Variants in USP8 observed in about 807,000 individuals in gnomAD.
The protein encoded by USP8 is ubiquitin specific peptidase 8.
USP8 carries 27 observed loss-of-function variants against 130.0 expected under a neutral mutation model. That is an observed-to-expected ratio of 0.21 (90% confidence interval 0.15 to 0.29). The LOEUF (loss-of-function observed/expected upper bound fraction) is 0.29, where lower values mean the gene tolerates loss of function less well. USP8 is among the 10% of genes least tolerant of loss of function. The pLI, the probability that USP8 is intolerant of heterozygous loss-of-function variation, is 1.00. For missense variants in USP8, 1,029 were observed against 1,312.2 expected (o/e 0.78, Z 3.33); for synonymous variants, 392 against 444.1 (o/e 0.88, Z 1.48).
At chr15:50,462,121 C>T (rs112949073) in intron 5 of USP8, among the ~76,000 whole-genome samples, 159 bp from the exon 6 acceptor site, 1 of 152,098 alleles carries the variant, frequency 6.6e-6, no homozygotes. Context: ...CCAAAGAAAC[C>T]TTTTAATATC....
chr15:50,469,770 A>G (rs1413865989), intron 7 of USP8, among the ~76,000 whole-genome samples: 1 of 152,040 alleles, frequency 6.6e-6, no homozygotes, highest in Non-Finnish European at 1.5e-5. Context: ...TAAGAATAAT[A>G]TGGAGCTCCT....
chr15:50,469,834 T>A (rs1319917551), intron 7 of USP8, among the ~76,000 whole-genome samples: 1 of 146,568 alleles, frequency 6.8e-6, no homozygotes, highest in African/African-American at 2.7e-5. Context: ...AAATCCAATT[T>A]TTTTTTTTTT....
chr15:50,448,606 G>A (rs1258766986), intron 3 of USP8, among the ~76,000 whole-genome samples: 2 of 151,170 alleles, frequency 1.3e-5, no homozygotes, highest in South Asian at 2.1e-4. Flanking sequence ...TGCAACCTCC[G>A]CCTCCTGGGT....
chr15:50,471,820 A>G (rs2051386815), intron 8 of USP8, 25 bp downstream of exon 8: 9 of 1,609,744 alleles, frequency 5.6e-6, no homozygotes, highest in Non-Finnish European at 6.8e-6. Flanking sequence ...TTGTTAGTTT[A>G]TTGTAATTGC....
intron 3 of USP8, among the ~76,000 whole-genome samples, 193 bp downstream of exon 3, chr15:50,441,686 A>C (rs2050266323): frequency 6.6e-6 from 1 of 152,194 alleles, no homozygotes; most frequent in South Asian, 2.1e-4. Flanking sequence ...GAACTCGTAC[A>C]CATTCTTGGA....
chr15:50,493,053 C>G (rs2052237223), intron 15 of USP8, 140 bp downstream of exon 15: 1 of 920,108 alleles, frequency 1.1e-6, no homozygotes, highest in Admixed American at 2.0e-5. Context: ...AATTTATTTT[C>G]TCTTAGTTCT....
intron 14 of USP8, among the ~76,000 whole-genome samples, chr15:50,491,978 C>T (rs1368469488): frequency 2.0e-5 from 3 of 152,174 alleles, no homozygotes; most frequent in Admixed American, 1.3e-4. Flanking sequence ...TCTCCTGCCT[C>T]AGCCTCCTGA....
At chr15:50,488,503 C>T (rs551209972) in intron 12 of USP8, among the ~76,000 whole-genome samples, 58 of 147,796 alleles carry the variant, frequency 3.9e-4, no homozygotes, top group African/African-American at 1.4e-3. Flanking sequence ...CCCACCTCGG[C>T]TTCCTGAGTA....
rs2052567455 is a variant in USP8, at chr15:50,500,683, G to A, written c.*1595G>A. On this transcript the variant is annotated 3_prime_UTR_variant, in exon 20 of 20. Transcript: ENST00000307179. ...ACGCTTTTGTATTGGTATGGAAAAGGGCTGGCAGCTATAGAACAGGAGATC... is the reference window on the plus strand; with the variant it reads ...ACGCTTTTGTATTGGTATGGAAAAGAGCTGGCAGCTATAGAACAGGAGATC... 7.6e-7 allele frequency: 1 copy of A among 1,319,602 alleles called. No homozygotes were observed. Among genetic ancestry groups the A allele is most frequent in the Non-Finnish European group, 1.1e-6 (1 of 938,710 alleles). The allele number at this position is 1,319,602 out of a possible 1,614,324, so 81.7% of individuals were successfully genotyped here.
rs1254450968 is a variant in USP8, at chr15:50,465,074, C to A, written c.569C>A (p.Thr190Lys). The A allele has an allele frequency of 3.7e-6, 6 of 1,614,082 alleles. No individual in the cohort carries two copies. The highest frequency in any genetic ancestry group is 5.1e-6 in the Non-Finnish European group (6 of 1,180,002). ...GCAATCACAGCAAAGGAACTATACA[C>A]AATGATGACGGATAAAAACATCAGC... ...KGAITAKELY[T>K]MMTDKNISLI... Residue 190 changes from threonine (T) to lysine (K), a missense_variant, in exon 7 of 20, where the codon ACA becomes AAA. Transcript: ENST00000307179.
At position 50,506,312 on chromosome 15, in the gene USP8, C is replaced by T. The variant is rs1296331177; in HGVS notation, c.*7224C>T. On this transcript the variant is annotated 3_prime_UTR_variant, in exon 20 of 20. Transcript: ENST00000307179. Reference sequence around the variant, plus strand: ...CCCTGAGCACCGCCTCCTGTCAGATCAGCTGCTGCATTAGATTCTCACAGC... The same window carrying T: ...CCCTGAGCACCGCCTCCTGTCAGATTAGCTGCTGCATTAGATTCTCACAGC... The T allele has an allele frequency of 3.9e-5, 6 of 152,310 alleles. No homozygotes were observed. The highest frequency in any genetic ancestry group is 1.4e-4 in the African/African-American group (6 of 41,454). 9.4% of individuals were successfully genotyped at this position (152,310 alleles called of 1,614,324 possible).
At position 50,490,291 on chromosome 15, in the gene USP8, G is replaced by A. The variant is rs767075041; in HGVS notation, c.2000G>A (p.Arg667His). ...KFLDPITGTF[R>H]YYHSPTNTVH... ...CTTGACCCAATCACTGGAACCTTTC[G>A]TTATTATCATTCACCCACCAACACT... The change falls in exon 14 of 20, where the codon CGT becomes CAT. Residue 667 changes from arginine to histidine, a missense_variant. Around this residue, in one of 4 missense-constraint regions of USP8, gnomAD observed 486 missense variants for 522.0 expected, o/e 0.93. Coordinates refer to ENST00000307179, the MANE Select transcript of USP8 (RefSeq NM_005154.5). 2 of 1,607,110 alleles carry A rather than the reference G, an allele frequency of 1.2e-6. No homozygotes were observed. Among genetic ancestry groups the A allele is most frequent in the Non-Finnish European group, 1.7e-6 (2 of 1,177,630 alleles).
intron 10 of USP8, 75 bp downstream of exon 10, chr15:50,477,574 T>C: frequency 1.5e-6 from 2 of 1,357,498 alleles, no homozygotes; most frequent in South Asian, 2.8e-5. Context: ...GCACAGTGCC[T>C]CACGCCTGTA....
At chr15:50,494,862 A>G (rs2052313978) in intron 16 of USP8, among the ~76,000 whole-genome samples, 1 of 152,106 alleles carries the variant, frequency 6.6e-6, no homozygotes, top group Non-Finnish European at 1.5e-5. Flanking sequence ...TAAAAATACA[A>G]AAATTGGCTG....
intron 11 of USP8, among the ~76,000 whole-genome samples, chr15:50,483,988 G>A (rs1595971416): frequency 6.6e-6 from 1 of 151,774 alleles, no homozygotes; most frequent in African/African-American, 2.4e-5. Flanking sequence ...AGGTCATGGT[G>A]AATATACATT....
chr15:50,475,248 A>T (rs562086058), intron 8 of USP8, among the ~76,000 whole-genome samples: 50 of 152,352 alleles, frequency 3.3e-4, no homozygotes, highest in Non-Finnish European at 6.6e-4. Flanking sequence ...AAAATTGCAA[A>T]TAACTATAGA....
At position 50,477,160 on chromosome 15, in the gene USP8, G is replaced by A. The variant is rs142523368; in HGVS notation, c.995-116G>A. The A allele has an allele frequency of 1.7e-4, 220 of 1,320,424 alleles. No homozygotes were observed. The African/African-American group carries it at 2.8e-3, about 17-fold the overall frequency. 81.8% of individuals were successfully genotyped at this position (1,320,424 alleles called of 1,614,324 possible). The stretch of plus-strand genomic sequence containing the variant: ...AGTTCACATTTTCTTTAAGACTGTT[G>A]TAATTGTTTTTTCACTTAGTTTACA... On this transcript the variant is annotated intron_variant, in intron 9 of 19. Coordinates refer to ENST00000307179, the MANE Select transcript of USP8 (RefSeq NM_005154.5).
chr15:50,497,070 A>C lies in USP8; in HGVS notation c.2896-19A>C. On this transcript the variant is annotated intron_variant, in intron 17 of 19. Coordinates refer to ENST00000307179, the MANE Select transcript of USP8 (RefSeq NM_005154.5). ...AGAATCGAATTAACGAGTATCTGCTACTTGTTTTTTTCTGCCAGGATTGCC... is the reference window on the plus strand; with the variant it reads ...AGAATCGAATTAACGAGTATCTGCTCCTTGTTTTTTTCTGCCAGGATTGCC... The C allele has an allele frequency of 6.3e-7, 1 of 1,587,358 alleles. No homozygotes were observed. The highest frequency in any genetic ancestry group is 8.5e-7 in the Non-Finnish European group (1 of 1,170,756).
In USP8 at chr15:50,481,932, G is replaced by A. The variant is rs767554389; in HGVS notation, c.1670G>A (p.Ser557Asn). The A allele has an allele frequency of 6.2e-7, 1 of 1,608,380 alleles. No individual in the cohort carries two copies. Among genetic ancestry groups the A allele is most frequent in the South Asian group, 1.1e-5 (1 of 89,764 alleles). Residue 557 changes from serine to asparagine, a missense_variant, in exon 11 of 20, where the codon AGT becomes AAT. Physicochemically the swap from Ser to Asn is conservative, Grantham distance 46. Transcript: ENST00000307179. The part of the protein sequence containing the change: ...EITGVKRQSK[S>N]EHETSDAKKS... Reference sequence around the variant, plus strand: ...ACAGGAGTAAAAAGACAAAGTAAAAGTGAACATGAAACTTCTGATGCCAAG... The same window carrying A: ...ACAGGAGTAAAAAGACAAAGTAAAAATGAACATGAAACTTCTGATGCCAAG...
Sources: allele counts gnomAD v4.1 joint callset (sites outside exome capture counted in the v4.1 genomes callset), GRCh38; gene constraint gnomAD v4.1.1; regional missense constraint gnomAD v4.1.1; transcripts MANE v1.5; gene names NCBI Gene and HGNC (gene_info 2026-07-23, HGNC 2026-07-21).